LIMCH1: variants seen among roughly 807,000 people sequenced by gnomAD.
LIMCH1 encodes the protein LIM and calponin homology domains 1.
In LIMCH1, 113 loss-of-function variants were observed where a neutral mutation model predicts 176.5. That is an observed-to-expected ratio of 0.64 (90% CI 0.55 to 0.75). The LOEUF (loss-of-function observed/expected upper bound fraction) is 0.75, where lower values mean the gene tolerates loss of function less well. Among genes scored for constraint, LIMCH1 ranks in the 30% least tolerant of loss-of-function variants. LIMCH1 has a pLI of 0.00. For missense variants in LIMCH1, 1,674 were observed against 1,814.9 expected (o/e 0.92, Z 1.41); for synonymous variants, 619 against 645.9 (o/e 0.96, Z 0.63).
intron 1 of LIMCH1, among the ~76,000 whole-genome samples, chr4:41,478,868 A>C (rs931444727): frequency 1.3e-5 from 2 of 152,212 alleles, no homozygotes; most frequent in African/African-American, 4.8e-5. Flanking sequence ...GTCATTAGTG[A>C]AAATAAATAT....
chr4:41,487,189 G>A (rs753317657), intron 1 of LIMCH1, among the ~76,000 whole-genome samples: 12 of 152,050 alleles, frequency 7.9e-5, no homozygotes, highest in Non-Finnish European at 1.8e-4. Context: ...TGAATTGCAG[G>A]TGAAGATGCT....
chr4:41,433,846 G>A (rs10027433), intron 1 of LIMCH1, among the ~76,000 whole-genome samples: 2,500 of 152,230 alleles, frequency 0.016, 61 homozygotes, highest in African/African-American at 0.057. Context: ...CTGGAAGGGT[G>A]GAGTGGCATG....
chr4:41,620,712 G>C, intron 7 of LIMCH1, 22 bp downstream of exon 7: 1 of 1,513,372 alleles, frequency 6.6e-7, no homozygotes. Flanking sequence ...GCTGAGGGCT[G>C]GCCCGGCTGG....
chr4:41,406,222 C>T (rs1285675673), intron 1 of LIMCH1, among the ~76,000 whole-genome samples: 1 of 152,164 alleles, frequency 6.6e-6, no homozygotes, highest in African/African-American at 2.4e-5. Flanking sequence ...TTTTAAAAGC[C>T]ACTTTATAGA....
intron 1 of LIMCH1, among the ~76,000 whole-genome samples, chr4:41,460,458 C>CTA (rs57517524): frequency 0.031 from 3,479 of 110,448 alleles, 243 homozygotes; most frequent in East Asian, 0.048. Context: ...TAGTAATCAT[C>CTA]TATATATATA....
intron 1 of LIMCH1, among the ~76,000 whole-genome samples, chr4:41,375,298 A>G (rs1217488004): frequency 6.6e-6 from 1 of 152,182 alleles, no homozygotes; most frequent in Non-Finnish European, 1.5e-5. Context: ...ATAAGACTAG[A>G]ACAGTGCTAT....
At chr4:41,517,389 G>A (rs761509122) in intron 2 of LIMCH1, among the ~76,000 whole-genome samples, 6 of 152,156 alleles carry the variant, frequency 3.9e-5, no homozygotes, top group Admixed American at 3.9e-4. Context: ...CACAGGTGCT[G>A]TATTACAGTA....
At chr4:41,399,956 A>G (rs988636683) in intron 1 of LIMCH1, among the ~76,000 whole-genome samples, 1 of 147,120 alleles carries the variant, frequency 6.8e-6, no homozygotes, top group Non-Finnish European at 1.5e-5. Flanking sequence ...TGCTGGGATT[A>G]CAGGCGTGAG....
At chr4:41,383,393 T>A (rs1179376627) in intron 1 of LIMCH1, among the ~76,000 whole-genome samples, 2 of 152,112 alleles carry the variant, frequency 1.3e-5, no homozygotes, top group African/African-American at 2.4e-5. Flanking sequence ...AATGTGTGGG[T>A]GCCAGTGAAG....
At chr4:41,452,550 A>T (rs1247388612) in intron 1 of LIMCH1, among the ~76,000 whole-genome samples, 1 of 152,160 alleles carries the variant, frequency 6.6e-6, no homozygotes. Context: ...AATTGCCTTT[A>T]TGATATTCTC....
At chr4:41,474,472 G>C (rs2067437553) in intron 1 of LIMCH1, among the ~76,000 whole-genome samples, 1 of 152,220 alleles carries the variant, frequency 6.6e-6, no homozygotes. Flanking sequence ...GGGCGACAGA[G>C]TGAGACTCTG....
chr4:41,565,350 C>T (rs556211904), intron 1 of LIMCH1, among the ~76,000 whole-genome samples: 2 of 138,380 alleles, frequency 1.4e-5, no homozygotes, highest in African/African-American at 6.1e-5. Flanking sequence ...TTCGGATACA[C>T]ACACACACAC....
intron 2 of LIMCH1, among the ~76,000 whole-genome samples, chr4:41,601,216 A>T (rs1289997786): frequency 6.6e-6 from 1 of 152,232 alleles, no homozygotes; most frequent in Non-Finnish European, 1.5e-5. Flanking sequence ...TCTTCTGCTC[A>T]TGTGGAGTTT....
At chr4:41,443,201 T>C (rs1441366537) in intron 1 of LIMCH1, among the ~76,000 whole-genome samples, 3 of 40,950 alleles carry the variant, frequency 7.3e-5, no homozygotes, top group East Asian at 3.9e-4. Context: ...TCTTTTTTTT[T>C]TTTTTTTTTT....
chr4:41,657,175 C>G (rs975805851), intron 18 of LIMCH1, among the ~76,000 whole-genome samples: 1 of 152,218 alleles, frequency 6.6e-6, no homozygotes, highest in Non-Finnish European at 1.5e-5. Flanking sequence ...CTCATTCATT[C>G]ACGTCCAGGG....
rs962654650 is a variant in LIMCH1 at position 41,469,170 on chromosome 4, A to T, written c.97-25366A>T. 6.6e-5 allele frequency among the ~76,000 whole-genome samples: 10 copies of T among 152,182 alleles called. No homozygotes were observed. In the East Asian group the frequency reaches 1.7e-3, roughly 26 times the overall value. ...AATCTGGGCCTCCTGGTAGCCGGAC[A>T]CTGATGTTTTTAAAGCCTACCTCCC... On this transcript the variant is annotated intron_variant, in intron 1 of 26. Transcript: ENST00000313860.
intron 1 of LIMCH1, among the ~76,000 whole-genome samples, chr4:41,411,944 G>A (rs536133849): frequency 3.7e-5 from 4 of 109,090 alleles, no homozygotes; most frequent in South Asian, 6.9e-4. Context: ...GCGACAGAGC[G>A]AGACTCCATC....
intron 22 of LIMCH1, among the ~76,000 whole-genome samples, chr4:41,672,859 A>G (rs2095097004): frequency 6.6e-6 from 1 of 152,156 alleles, no homozygotes; most frequent in African/African-American, 2.4e-5. Context: ...TGTAGCCCTG[A>G]AGGTGTTATA....
intron 1 of LIMCH1, among the ~76,000 whole-genome samples, chr4:41,429,904 CT>C (rs148730268): frequency 0.032 from 4,851 of 152,216 alleles, 223 homozygotes; most frequent in African/African-American, 0.11. Context: ...TGCACACTGT[CT>C]TGTGGGATTT....
Sources: gnomAD v4.1 joint callset for allele counts (sites outside exome capture counted in the v4.1 genomes callset) on GRCh38, gnomAD v4.1.1 for gene constraint, MANE v1.5 for transcripts, NCBI Gene and HGNC (gene_info 2026-07-23, HGNC 2026-07-21) for gene names.